DPYSL2: variants seen among roughly 807,000 people sequenced by gnomAD.
The protein encoded by DPYSL2 is dihydropyrimidinase like 2.
In DPYSL2, 13 loss-of-function variants were observed where a neutral mutation model predicts 69.9. The observed-to-expected ratio is 0.19, with a 90% CI of 0.12 to 0.30. The LOEUF (loss-of-function observed/expected upper bound fraction) is 0.30, where lower values mean the gene tolerates loss of function less well. Among genes scored for constraint, DPYSL2 ranks in the 10% least tolerant of loss-of-function variants. DPYSL2 has a pLI of 1.00. For synonymous variants in DPYSL2, 326 were observed against 359.1 expected (o/e 0.91, Z 1.04); for missense variants, 587 against 918.9 (o/e 0.64, Z 4.67).
intron 1 of DPYSL2, among the ~76,000 whole-genome samples, chr8:26,534,856 C>T (rs763221790): frequency 2.8e-4 from 42 of 152,112 alleles, no homozygotes; most frequent in Non-Finnish European, 4.3e-4. Context: ...TGGTCTCTAA[C>T]TCCTGACCTC....
intron 3 of DPYSL2, among the ~76,000 whole-genome samples, chr8:26,592,408 C>T (rs1024211576): frequency 1.3e-5 from 2 of 151,944 alleles, no homozygotes; most frequent in Non-Finnish European, 2.9e-5. Context: ...CTGCCTTGGC[C>T]TCCCAAAGTG....
intron 3 of DPYSL2, among the ~76,000 whole-genome samples, chr8:26,590,266 G>T (rs537090118): frequency 6.6e-6 from 1 of 152,330 alleles, no homozygotes; most frequent in Admixed American, 6.5e-5. Context: ...AGAAAGCCAC[G>T]TTATCCAATG....
Position 26,615,810 on chromosome 8 carries a change from C to T in DPYSL2, c.629-8333C>T, listed in dbSNP as rs185410524. On this transcript the variant is annotated intron_variant, in intron 3 of 13. Transcript: ENST00000521913. ...GCACAGACATTCTAAATAGTTCCAG[C>T]TCTTAGGAAAATGCTTCTTTAGCAT... Among the ~76,000 whole-genome samples the T allele has an allele frequency of 3.9e-5, 6 of 152,246 alleles. No individual in the cohort carries two copies. The East Asian group carries it at 1.2e-3, about 29-fold the overall frequency.
rs901826882 is a variant in DPYSL2 at position 26,533,746 on chromosome 8, A to G, written c.354+19067A>G. The stretch of plus-strand genomic sequence containing the variant: ...ATGACCACAGCTGTCAAATGTTCTC[A>G]GGTGAAGAGGTTGAGAGGACTCCTG... On this transcript the variant is annotated intron_variant, in intron 1 of 13. Coordinates refer to ENST00000521913, the MANE Select transcript of DPYSL2 (RefSeq NM_001197293.3). This position sits in a 1 kb window ranked among gnomAD's most constrained non-coding sequence, Gnocchi z 4.8. Among the ~76,000 whole-genome samples the G allele has an allele frequency of 6.6e-6, 1 of 152,254 alleles. No individual in the cohort carries two copies. The highest frequency in any genetic ancestry group is 2.4e-5 in the African/African-American group (1 of 41,460).
intron 1 of DPYSL2, among the ~76,000 whole-genome samples, chr8:26,550,153 G>A (rs1800849740): frequency 1.3e-5 from 2 of 152,148 alleles, no homozygotes; most frequent in Admixed American, 6.5e-5. Context: ...ACAAGGGATG[G>A]GAGCATTGGG....
intron 10 of DPYSL2, among the ~76,000 whole-genome samples, chr8:26,645,404 AAATAAT>A (rs578261853): frequency 6.6e-6 from 1 of 151,854 alleles, no homozygotes; most frequent in Non-Finnish European, 1.5e-5. Context: ...CTGTTTCAAA[AAATAAT>A]AATAATAATA....
chr8:26,580,298 CTGGGCAAG>C lies in DPYSL2; in HGVS notation c.355-1667_355-1660del, dbSNP rs1801462714. Reference sequence around the variant, plus strand: ...GGACAAGTGCACTGATTTGAGTGACCTGGGCAAGTGGCCTAACCTCTCTGAGCCTCAGT... The same window carrying C: ...GGACAAGTGCACTGATTTGAGTGACCTGGCCTAACCTCTCTGAGCCTCAGT... On this transcript the variant is annotated intron_variant, in intron 1 of 13. Transcript: ENST00000521913. This position sits in a 1 kb window ranked among gnomAD's most constrained non-coding sequence, Gnocchi z 4.1. Among the ~76,000 whole-genome samples, 4 of 152,248 alleles carry C rather than the reference CTGGGCAAG, an allele frequency of 2.6e-5. No homozygotes were observed. The South Asian group carries it at 8.3e-4, about 32-fold the overall frequency.
intron 1 of DPYSL2, among the ~76,000 whole-genome samples, chr8:26,578,719 T>C (rs1205847944): frequency 6.6e-6 from 1 of 152,134 alleles, no homozygotes; most frequent in African/African-American, 2.4e-5. Flanking sequence ...ACTTGGATCC[T>C]CCCCGGGTCT....
chr8:26,544,634 C>T (rs1232166809), intron 1 of DPYSL2, among the ~76,000 whole-genome samples: 1 of 152,204 alleles, frequency 6.6e-6, no homozygotes, highest in Non-Finnish European at 1.5e-5. Flanking sequence ...CAGTTCCTCT[C>T]CACCGCCAAT....
rs1803333127 is a variant in DPYSL2, at chr8:26,654,085, C to T, written c.1942+688C>T. 6.6e-6 allele frequency among the ~76,000 whole-genome samples: 1 copy of T among 152,322 alleles called. No homozygotes were observed. The highest frequency in any genetic ancestry group is 1.9e-4 in the East Asian group (1 of 5,186). ...CTTGTGGAGTTTGGAGTTTCAACAGCCTAACTTCAGGGCTCAGCTCTGGCT... is the reference window on the plus strand; with the variant it reads ...CTTGTGGAGTTTGGAGTTTCAACAGTCTAACTTCAGGGCTCAGCTCTGGCT... On this transcript the variant is annotated intron_variant, in intron 13 of 13. Coordinates refer to ENST00000521913, the MANE Select transcript of DPYSL2 (RefSeq NM_001197293.3). This position sits in a 1 kb window ranked among gnomAD's most constrained non-coding sequence, Gnocchi z 5.0.
chr8:26,552,006 G>A (rs950759551), intron 1 of DPYSL2, among the ~76,000 whole-genome samples: 3 of 152,000 alleles, frequency 2.0e-5, no homozygotes, highest in African/African-American at 7.3e-5. Context: ...TAGAGACGCG[G>A]TCTGACTATG....
At chr8:26,604,610 T>C (rs1802067260) in intron 3 of DPYSL2, among the ~76,000 whole-genome samples, 1 of 152,084 alleles carries the variant, frequency 6.6e-6, no homozygotes, top group Admixed American at 6.5e-5. Flanking sequence ...CGATGAAAAG[T>C]TGGACGTTAG....
intron 1 of DPYSL2, among the ~76,000 whole-genome samples, chr8:26,529,598 T>C (rs1800464980): frequency 6.6e-6 from 1 of 152,148 alleles, no homozygotes; most frequent in Non-Finnish European, 1.5e-5. Context: ...ATTATAGGCA[T>C]GAGCCACTGT....
At chr8:26,538,472 G>T (rs73226134) in intron 1 of DPYSL2, among the ~76,000 whole-genome samples, 1,603 of 152,190 alleles carry the variant, frequency 0.011, 12 homozygotes, top group Admixed American at 0.019. Context: ...CTCTCCCTGT[G>T]GGGGAAAAAG....
chr8:26,550,293 T>G (rs913836128), intron 1 of DPYSL2, among the ~76,000 whole-genome samples: 1 of 152,134 alleles, frequency 6.6e-6, no homozygotes, highest in Non-Finnish European at 1.5e-5. Context: ...AGGGACATAA[T>G]TGATTTTTTG....
At chr8:26,535,806 C>T (rs1800582198) in intron 1 of DPYSL2, among the ~76,000 whole-genome samples, 1 of 151,970 alleles carries the variant, frequency 6.6e-6, no homozygotes, top group South Asian at 2.1e-4. Flanking sequence ...ACAACAGAAA[C>T]TCATGTTAAC....
intron 4 of DPYSL2, among the ~76,000 whole-genome samples, chr8:26,625,280 G>C (rs760409711): frequency 2.0e-5 from 3 of 152,166 alleles, no homozygotes; most frequent in Non-Finnish European, 4.4e-5. Context: ...ATTCTTTCCA[G>C]CACAAAGCTT....
At position 26,627,952 on chromosome 8, in the gene DPYSL2, C is replaced by A. The variant is rs762803845; in HGVS notation, c.1005+12C>A. 6.2e-7 allele frequency: 1 copy of A among 1,612,922 alleles called. No homozygotes were observed. Among genetic ancestry groups the A allele is most frequent in the Admixed American group, 1.7e-5 (1 of 59,956 alleles). ...GCCGACCTGAGGAGGTGAATGTTCA[C>A]CAAGCGGAATGCGTGAATCAGTGTC... On this transcript the variant is annotated intron_variant, in intron 7 of 13. Transcript: ENST00000521913. The surrounding 1 kb of genome is among the most constrained non-coding windows in gnomAD (Gnocchi z 6.9).
rs1344113571 is a variant in DPYSL2 at position 26,642,461 on chromosome 8, A to T, written c.1127-978A>T. Among the ~76,000 whole-genome samples the T allele has an allele frequency of 6.6e-6, 1 of 152,182 alleles. No homozygotes were observed. The highest frequency in any genetic ancestry group is 1.9e-4 in the East Asian group (1 of 5,196). ...TTATGCAAGAGAATGCCATGGAAAG[A>T]TTATATTATAGTGGATCACTCTGGA... On this transcript the variant is annotated intron_variant, in intron 8 of 13. Transcript: ENST00000521913. This position sits in a 1 kb window ranked among gnomAD's most constrained non-coding sequence, Gnocchi z 5.3.
Sources: allele counts gnomAD v4.1 joint callset (sites outside exome capture counted in the v4.1 genomes callset), GRCh38; gene constraint gnomAD v4.1.1; non-coding constraint Gnocchi (gnomAD v3.1); transcripts MANE v1.5; gene names NCBI Gene and HGNC (gene_info 2026-07-23, HGNC 2026-07-21).